Variants in ENTREP1 observed in about 807,000 individuals in gnomAD.
ENTREP1 encodes endosomal transmembrane epsin interactor 1.
the ENTREP1 span, among the ~76,000 whole-genome samples, chr9:69,378,260 C>G: frequency 1.3e-5 from 2 of 152,118 alleles, no homozygotes; most frequent in Non-Finnish European, 2.9e-5. Flanking sequence ...TCTCAACAAT[C>G]AAGAAATTCT....
the ENTREP1 span, among the ~76,000 whole-genome samples, chr9:69,364,991 T>C: frequency 8.5e-5 from 13 of 152,298 alleles, no homozygotes; most frequent in Admixed American, 7.8e-4. Flanking sequence ...TCTCTCAGCT[T>C]GTCTGTCAGT....
At chr9:69,348,250 C>CT in the ENTREP1 span, among the ~76,000 whole-genome samples, 1 of 152,178 alleles carries the variant, frequency 6.6e-6, no homozygotes, top group African/African-American at 2.4e-5. Flanking sequence ...GGAGTTGGGA[C>CT]TATAGGCATG....
the ENTREP1 span, among the ~76,000 whole-genome samples, chr9:69,344,264 T>C: frequency 0.078 from 11,922 of 152,248 alleles, 549 homozygotes; most frequent in African/African-American, 0.12. Context: ...CCTATCTGTG[T>C]GTGTGCGTGT....
the ENTREP1 span, among the ~76,000 whole-genome samples, chr9:69,391,239 T>G: frequency 6.6e-6 from 1 of 152,198 alleles, no homozygotes; most frequent in African/African-American, 2.4e-5. Flanking sequence ...AGAATTCATG[T>G]TTCTGACAAT....
chr9:69,325,882 G>C, the ENTREP1 span, among the ~76,000 whole-genome samples: 1 of 152,158 alleles, frequency 6.6e-6, no homozygotes, highest in African/African-American at 2.4e-5. Flanking sequence ...GTTCCGCGAC[G>C]GTCGAGTTCA....
the ENTREP1 span, among the ~76,000 whole-genome samples, chr9:69,344,226 T>G: frequency 6.6e-6 from 1 of 152,190 alleles, no homozygotes; most frequent in Admixed American, 6.5e-5. Context: ...TGTGTTGTCA[T>G]GAAATGTTGC....
At chr9:69,375,799 G>C in the ENTREP1 span, 3 of 1,613,900 alleles carry the variant, frequency 1.9e-6, no homozygotes, top group African/African-American at 4.0e-5. Context: ...CAAGTGCACA[G>C]ACAAAGAAAA....
At chr9:69,340,751 G>T in the ENTREP1 span, among the ~76,000 whole-genome samples, 2,987 of 122,482 alleles carry the variant, frequency 0.024, 64 homozygotes, top group South Asian at 0.054. Context: ...GTGTGTTTGT[G>T]TGTGTGCGTG....
chr9:69,386,565 A>T, the ENTREP1 span: 4 of 152,360 alleles, frequency 2.6e-5, no homozygotes, highest in African/African-American at 9.6e-5. Flanking sequence ...GTAGAAAATT[A>T]TAAAAAATAA....
the ENTREP1 span, chr9:69,371,456 A>C: frequency 7.9e-7 from 1 of 1,259,092 alleles, no homozygotes; most frequent in Non-Finnish European, 1.2e-6. Context: ...GTCTGAATTT[A>C]GCTGTTATCT....
At chr9:69,329,172 T>C in the ENTREP1 span, among the ~76,000 whole-genome samples, 1 of 152,346 alleles carries the variant, frequency 6.6e-6, no homozygotes, top group African/African-American at 2.4e-5. Context: ...CAAACCCACA[T>C]AGGAACACAG....
the ENTREP1 span, among the ~76,000 whole-genome samples, chr9:69,368,256 C>T: frequency 9.2e-5 from 14 of 152,204 alleles, no homozygotes; most frequent in African/African-American, 3.1e-4. Flanking sequence ...TAAAAGTGGG[C>T]ATCCTTGTCT....
chr9:69,372,138 G>C, the ENTREP1 span, among the ~76,000 whole-genome samples: 1 of 152,188 alleles, frequency 6.6e-6, no homozygotes, highest in African/African-American at 2.4e-5. Flanking sequence ...TTGTGAGTAA[G>C]AGGTTGTGGA....
At chr9:69,369,948 AGTT>A in the ENTREP1 span, among the ~76,000 whole-genome samples, 1 of 152,080 alleles carries the variant, frequency 6.6e-6, no homozygotes, top group African/African-American at 2.4e-5. Flanking sequence ...TCTGGACACA[AGTT>A]GTTGTTTGTT....
chr9:69,383,628 AG>A, the ENTREP1 span: 1 of 1,614,014 alleles, frequency 6.2e-7, no homozygotes, highest in South Asian at 1.1e-5. Context: ...CGCTTTTCCT[AG>A]GATGGTTGGT....
the ENTREP1 span, among the ~76,000 whole-genome samples, chr9:69,332,806 T>A: frequency 6.6e-6 from 1 of 152,200 alleles, no homozygotes; most frequent in Non-Finnish European, 1.5e-5. Context: ...CTCCTGGGAC[T>A]TTTTTCCGCT....
the ENTREP1 span, among the ~76,000 whole-genome samples, chr9:69,378,583 C>A: frequency 1.3e-5 from 2 of 151,650 alleles, no homozygotes; most frequent in Non-Finnish European, 2.9e-5. Context: ...CTGGCTAACC[C>A]CCGTCTCTAC....
the ENTREP1 span, chr9:69,383,973 A>G: frequency 1.9e-6 from 3 of 1,613,966 alleles, no homozygotes; most frequent in Non-Finnish European, 2.5e-6. Context: ...TGTCAGAAGG[A>G]TCAGAAGCTG....
chr9:69,334,345 G>T, the ENTREP1 span, among the ~76,000 whole-genome samples: 1 of 152,246 alleles, frequency 6.6e-6, no homozygotes, highest in Non-Finnish European at 1.5e-5. Flanking sequence ...TCACCTATCT[G>T]CCTGTATATG....
Sources: allele counts gnomAD v4.1 joint callset (sites outside exome capture counted in the v4.1 genomes callset), GRCh38; gene constraint gnomAD v4.1.1; transcripts MANE v1.5; gene names NCBI Gene and HGNC (gene_info 2026-07-23, HGNC 2026-07-21).